TTN: variants seen among roughly 807,000 people sequenced by gnomAD.
The protein encoded by TTN is titin, also known as connectin.
A neutral mutation model predicts 3,223.0 loss-of-function variants in TTN; 1,525 were observed. The ratio of observed to expected loss-of-function variants is 0.47; its 90% CI spans 0.45 to 0.49. The LOEUF (loss-of-function observed/expected upper bound fraction) is 0.49. Among genes scored for constraint, TTN ranks in the 20% least tolerant of loss-of-function variants. TTN has a pLI of 0.00. For synonymous variants in TTN, 14,094 were observed against 15,161.0 expected, an observed-to-expected ratio of 0.93 and a Z score of 5.17; for missense variants, 40,786 against 43,424.0, an observed-to-expected ratio of 0.94 and a Z score of 5.40.
intron 227 of TTN, 37 bp downstream of exon 227, chr2:178,635,403 A>G: frequency 6.2e-7 from 1 of 1,603,504 alleles, no homozygotes; most frequent in Non-Finnish European, 8.5e-7. Flanking sequence ...ACACATACGC[A>G]AAACTTATAA....
chr2:178,785,493 C>A, intron 15 of TTN, 127 bp downstream of exon 15: 1 of 1,395,644 alleles, frequency 7.2e-7, no homozygotes, highest in Non-Finnish European at 9.9e-7. Flanking sequence ...ACTGTGAATG[C>A]AAACACACGC....
intron 28 of TTN, 55 bp downstream of exon 28, chr2:178,775,301 A>T (rs2092093182): frequency 6.2e-7 from 1 of 1,612,500 alleles, no homozygotes; most frequent in Non-Finnish European, 8.5e-7. Context: ...AAACACACTC[A>T]TGGATATTCT....
At position 178,526,941 on chromosome 2, in the gene TTN, G is replaced by T; in HGVS notation, c.*71C>A. 7.3e-7 allele frequency: 1 copy of T among 1,365,984 alleles called. No individual in the cohort carries two copies. The highest frequency in any genetic ancestry group is 9.8e-7 in the Non-Finnish European group (1 of 1,025,318). The allele number at this position is 1,365,984 out of a possible 1,614,324, so 84.6% of individuals were successfully genotyped here. ...TTTTTCTTTAAATATTTACAGTTCA[G>T]AAAGATTAGTCCGTGTGAAACGTTT... On this transcript the variant is annotated 3_prime_UTR_variant, in exon 363 of 363. Coordinates refer to ENST00000589042, the MANE Select transcript of TTN (RefSeq NM_001267550.2).
At chr2:178,614,391 A>T (rs2056913901) in intron 261 of TTN, 43 bp from the exon 262 acceptor site, 8 of 1,577,210 alleles carry the variant, frequency 5.1e-6, no homozygotes, top group Non-Finnish European at 5.1e-6. Flanking sequence ...ATTGTTCACC[A>T]TTTTTTTTAT....
intron 234 of TTN, 22 bp downstream of exon 234, chr2:178,632,896 G>A (rs1167653142): frequency 3.1e-6 from 5 of 1,611,470 alleles, no homozygotes; most frequent in Admixed American, 1.7e-5. Flanking sequence ...ATACAAAAAC[G>A]TGGCTGACAA....
intron 8 of TTN, among the ~76,000 whole-genome samples, chr2:178,793,757 G>A (rs2093632435): frequency 2.0e-5 from 3 of 152,088 alleles, no homozygotes; most frequent in Admixed American, 2.0e-4. Flanking sequence ...CGGAGGTCAT[G>A]CCACTGCACT....
Position 178,575,339 on chromosome 2 carries a change from C to T in TTN, c.70793G>A (p.Gly23598Glu), listed in dbSNP as rs1256646891. ...LECVVRNLTE[G>E]EEYTFQVMAV... ...CATCACTTGGAAGGTATATTCCTCT[C>T]CTTCAGTTAGATTCCTCACAACACA... The change falls in exon 326 of 363, where the codon GGA (glycine) becomes GAA (glutamate). Residue 23598 changes from glycine to glutamate, a missense_variant. Transcript: ENST00000589042. The surrounding 1 kb of genome is among the most constrained non-coding windows in gnomAD (Gnocchi z 4.0). 6.2e-7 allele frequency: 1 copy of T among 1,613,582 alleles called. No individual in the cohort carries two copies. The highest frequency in any genetic ancestry group is 1.1e-5 in the South Asian group (1 of 91,078).
rs532672659 is a variant in TTN, at chr2:178,653,084, C to A, written c.38832G>T (p.Val12944=). ...APKEVVPEKK[V]PVTPPKKPEV... ...CAGGTTTTTTAGGAGGAGTCACTGGCACTTTCTTTTCAGGAACAACTTCTT... is the reference window on the plus strand; with the variant it reads ...CAGGTTTTTTAGGAGGAGTCACTGGAACTTTCTTTTCAGGAACAACTTCTT... The change falls in exon 199 of 363, where the codon GTG becomes GTT. Residue 12944 remains valine, a synonymous_variant. Transcript: ENST00000589042. The A allele has an allele frequency of 1.2e-6, 2 of 1,613,260 alleles. No homozygotes were observed. The highest frequency in any genetic ancestry group is 2.2e-5 in the East Asian group (1 of 44,836).
chr2:178,637,171 A>C (rs2060572200), intron 224 of TTN, among the ~76,000 whole-genome samples, 198 bp downstream of exon 224: 1 of 126,800 alleles, frequency 7.9e-6, no homozygotes, highest in African/African-American at 3.3e-5. Context: ...ATATATATAT[A>C]TATATATATA....
Position 178,587,375 on chromosome 2 carries a change from G to C in TTN, c.63836C>G (p.Thr21279Ser), listed in dbSNP as rs1276354995. The C allele has an allele frequency of 6.2e-7, 1 of 1,604,060 alleles. No homozygotes were observed. The highest frequency in any genetic ancestry group is 1.7e-5 in the Admixed American group (1 of 59,422). Residue 21279 changes from threonine to serine, a missense_variant, in exon 307 of 363, where the codon ACT (threonine) becomes AGT (serine). Transcript: ENST00000589042. Reference protein sequence around the residue: ...PVSDLKVSDVTKTSCHVSWAP... With the variant: ...PVSDLKVSDVSKTSCHVSWAP... ...CCAGGACACATGGCATGATGTTTTA[G>C]TGACATCTGAAACTTTTAAATCAGA... is the stretch of plus-strand genomic sequence containing the variant.
intron 215 of TTN, among the ~76,000 whole-genome samples, 196 bp from the exon 216 acceptor site, chr2:178,646,755 G>C (rs1014432075): frequency 1.3e-5 from 2 of 151,982 alleles, no homozygotes; most frequent in Non-Finnish European, 2.9e-5. Context: ...ATTATTCAAT[G>C]TATATTGATG....
rs566234008 is a variant in TTN, at chr2:178,548,786, A to G, written c.92840T>C (p.Ile30947Thr). Residue 30947 changes from isoleucine to threonine, a missense_variant, in exon 339 of 363, where the codon ATT (isoleucine) becomes ACT (threonine). Physicochemically the swap from Ile to Thr is moderately conservative, Grantham distance 89. Coordinates refer to ENST00000589042, the MANE Select transcript of TTN (RefSeq NM_001267550.2). This position sits in a 1 kb window ranked among gnomAD's most constrained non-coding sequence, Gnocchi z 4.3. ...VRAGASIRLF[I>T]AYQGRPTPTA... ...AGGAGTAGGTCTACCTTGGTAGGCAATGAAGAGGCGAATACTGGCCCCAGC... is the reference window on the plus strand; with the variant it reads ...AGGAGTAGGTCTACCTTGGTAGGCAGTGAAGAGGCGAATACTGGCCCCAGC... 3.7e-6 allele frequency: 6 copies of G among 1,612,914 alleles called. No individual in the cohort carries two copies. Among genetic ancestry groups the G allele is most frequent in the African/African-American group, 1.3e-5 (1 of 74,932 alleles).
intron 20 of TTN, 114 bp from the exon 21 acceptor site, chr2:178,781,377 A>G: frequency 8.4e-7 from 1 of 1,192,548 alleles, no homozygotes; most frequent in Non-Finnish European, 1.2e-6. Flanking sequence ...GACCCTAAAC[A>G]TATGACTAAG....
At chr2:178,690,237 G>A (rs895279417) in intron 121 of TTN, among the ~76,000 whole-genome samples, 1 of 152,136 alleles carries the variant, frequency 6.6e-6, no homozygotes, top group Non-Finnish European at 1.5e-5. Flanking sequence ...ACTTCTTTAC[G>A]CTTTGTATTG....
chr2:178,582,348 A>G lies in TTN; in HGVS notation c.66108T>C (p.Tyr22036=), dbSNP rs2154178109. Residue 22036 remains tyrosine, a synonymous_variant, in exon 314 of 363, where the codon TAT becomes TAC. Transcript: ENST00000589042. ...YQFRICAENK[Y]GVGDPVFTEP... is the part of the protein sequence containing the mutation. The stretch of plus-strand genomic sequence containing the variant: ...CAGTGAAGACTGGATCGCCTACTCC[A>G]TATTTATTTTCAGCACAAATACGGA... 6.2e-7 allele frequency: 1 copy of G among 1,609,462 alleles called. No individual in the cohort carries two copies. Among genetic ancestry groups the G allele is most frequent in the Non-Finnish European group, 8.5e-7 (1 of 1,177,350 alleles).
At chr2:178,538,445 A>C (rs1692715590) in intron 354 of TTN, 95 bp downstream of exon 354, 5 of 1,256,754 alleles carry the variant, frequency 4.0e-6, no homozygotes, top group Non-Finnish European at 5.4e-6. Flanking sequence ...TTGCTCTCCA[A>C]TAAAGCTTTC....
Position 178,563,536 on chromosome 2 carries a change from A to G in TTN, c.82596T>C (p.Thr27532=). ...KTLTDLRLRV[T]GLTEGHSYEF... is the part of the protein sequence containing the mutation. ...CATAGGAATGGCCTTCGGTAAGACC[A>G]GTTACCCTGAGCCGCAGATCCGTTA... is the stretch of plus-strand genomic sequence containing the variant. Residue 27532 remains threonine, a synonymous_variant, in exon 326 of 363, where the codon ACT becomes ACC. Coordinates refer to ENST00000589042, the MANE Select transcript of TTN (RefSeq NM_001267550.2). The surrounding 1 kb of genome is among the most constrained non-coding windows in gnomAD (Gnocchi z 4.5). The G allele has an allele frequency of 6.2e-7, 1 of 1,613,844 alleles. No homozygotes were observed. Among genetic ancestry groups the G allele is most frequent in the Non-Finnish European group, 8.5e-7 (1 of 1,179,766 alleles).
chr2:178,583,424 G>A, intron 312 of TTN, 183 bp downstream of exon 312: 1 of 824,982 alleles, frequency 1.2e-6, no homozygotes, highest in Non-Finnish European at 1.7e-6. Flanking sequence ...CCACAGTTGT[G>A]TATCTTGCTT....
chr2:178,541,102 AT>A, intron 350 of TTN, 179 bp downstream of exon 350: 1 of 536,778 alleles, frequency 1.9e-6, no homozygotes, highest in Non-Finnish European at 3.0e-6. Context: ...GAAGGGACTG[AT>A]TACAAACGGA....
Sources: allele counts gnomAD v4.1 joint callset (sites outside exome capture counted in the v4.1 genomes callset), GRCh38; gene constraint gnomAD v4.1.1; non-coding constraint Gnocchi (gnomAD v3.1); transcripts MANE v1.5; gene names NCBI Gene and HGNC (gene_info 2026-07-23, HGNC 2026-07-21).